Variants in MCM4 observed in about 807,000 individuals in gnomAD.
MCM4 encodes the protein DNA replication licensing factor MCM4.
In MCM4, 60 loss-of-function variants were observed where a neutral mutation model predicts 88.7. That is an observed-to-expected ratio of 0.68 (90% CI 0.55 to 0.84). The LOEUF is 0.84. Among genes scored for constraint, MCM4 ranks in the 40% least tolerant of loss-of-function variants. The pLI is 0.00. For synonymous variants in MCM4, 465 were observed against 410.5 expected (o/e 1.13, Z -1.61); for missense variants, 1,149 against 1,105.5 (o/e 1.04, Z -0.56).
At chr8:47,971,214 C>CA in intron 12 of MCM4, 127 bp from the exon 13 acceptor site, 1 of 1,111,400 alleles carries the variant, frequency 9.0e-7, no homozygotes, top group Non-Finnish European at 1.3e-6. Context: ...TCAGTAAAGG[C>CA]AACATGGCTC....
intron 11 of MCM4, among the ~76,000 whole-genome samples, 159 bp from the exon 12 acceptor site, chr8:47,970,352 A>C (rs927717668): frequency 5.9e-5 from 9 of 152,232 alleles, no homozygotes; most frequent in Admixed American, 2.6e-4. Flanking sequence ...GTCAGTGATA[A>C]CTTAAAGCAT....
rs1200738427 is a variant in MCM4 at position 47,970,685 on chromosome 8, GGC to G, written c.1610_1611del (p.Gly537ValfsTer15). On this transcript the variant is annotated frameshift_variant, in exon 12 of 17. Transcript: ENST00000649973. LOFTEE classifies it high-confidence loss of function. ...VPRGQYTSGK[G>X]SSAVGLTAYV... is the part of the protein sequence containing the mutation. ...CAGGGGCCAGTACACGTCTGGGAAGGGCTCCAGTGCAGTTGGCCTCACTGCGT... is the reference window on the plus strand; with the variant it reads ...CAGGGGCCAGTACACGTCTGGGAAGGTCCAGTGCAGTTGGCCTCACTGCGT... 17 of 1,614,058 alleles carry G rather than the reference GGC, an allele frequency of 1.1e-5. No homozygotes were observed. The highest frequency in any genetic ancestry group is 1.4e-5 in the Non-Finnish European group (16 of 1,180,044).
chr8:47,964,881 C>T (rs1384493213), intron 8 of MCM4, among the ~76,000 whole-genome samples, 169 bp downstream of exon 8: 2 of 152,076 alleles, frequency 1.3e-5, no homozygotes, highest in Non-Finnish European at 2.9e-5. Flanking sequence ...CTTATGAACC[C>T]CCTATACTTT....
In MCM4 at chr8:47,970,805, G is replaced by A. The variant is rs768729997; in HGVS notation, c.1729G>A (p.Asp577Asn). ...DNGICCIDEFDKMNESTRSVL... is the reference protein window; with the variant it reads ...DNGICCIDEFNKMNESTRSVL... Reference sequence around the variant, plus strand: ...CGGCATCTGCTGTATCGATGAGTTCGACAAGATGAATGAAAGTACAAGATC... The same window carrying A: ...CGGCATCTGCTGTATCGATGAGTTCAACAAGATGAATGAAAGTACAAGATC... Residue 577 changes from aspartate (D) to asparagine (N), a missense_variant, in exon 12 of 17, where the codon GAC becomes AAC. Transcript: ENST00000649973. 1.9e-6 allele frequency: 3 copies of A among 1,613,616 alleles called. No homozygotes were observed. Among genetic ancestry groups the A allele is most frequent in the African/African-American group, 1.3e-5 (1 of 74,902 alleles).
rs763787357 is a variant in MCM4, at chr8:47,975,785, G to A, written c.2436G>A (p.Lys812=). 3 of 1,587,086 alleles carry A rather than the reference G, an allele frequency of 1.9e-6. No homozygotes were observed. The South Asian group carries it at 3.6e-5, about 19-fold the overall frequency. ...AEALKKLILS[K]GKTPALKYQQ... ...CATTGAAAAAGCTTATTTTATCTAA[G>A]GGCAAAACACCAGCTCTAAAATACC... The change falls in exon 16 of 17, where the codon AAG becomes AAA. Residue 812 remains lysine, a synonymous_variant. Coordinates refer to ENST00000649973, the MANE Select transcript of MCM4 (RefSeq NM_182746.3).
Position 47,966,168 on chromosome 8 carries a change from C to T in MCM4, c.833-19C>T, listed in dbSNP as rs767599479. 115 of 1,606,910 alleles carry T rather than the reference C, an allele frequency of 7.2e-5. No homozygotes were observed. Among genetic ancestry groups the T allele is most frequent in the Non-Finnish European group, 9.5e-5 (112 of 1,174,138 alleles). ...CACACCTCAGGTCAGGTGTGCTGAC[C>T]TCTCTTCTCCCCTCACAGACATTGA... On this transcript the variant is annotated intron_variant, in intron 8 of 16. Coordinates refer to ENST00000649973, the MANE Select transcript of MCM4 (RefSeq NM_182746.3).
chr8:47,974,771 GA>G lies in MCM4; in HGVS notation c.2176del (p.Met726TrpfsTer9). 1 of 1,614,216 alleles carries G rather than the reference GA, an allele frequency of 6.2e-7. No individual in the cohort carries two copies. The highest frequency in any genetic ancestry group is 8.5e-7 in the Non-Finnish European group (1 of 1,180,038). On this transcript the variant is annotated frameshift_variant, in exon 15 of 17. Transcript: ENST00000649973. LOFTEE classifies it high-confidence loss of function. ...ATGAGGAAGATTGGCAGTAGCCGGG[GA>G]ATGGTTTCTGCATACCCTCGACAGC... ...VDMRKIGSSR[G>X]MVSAYPRQLE... is the part of the protein sequence containing the mutation.
rs140307429 is a variant in MCM4 at position 47,962,803 on chromosome 8, G to A, written c.541G>A (p.Glu181Lys). 1.0e-4 allele frequency: 167 copies of A among 1,609,592 alleles called. No individual in the cohort carries two copies. Among genetic ancestry groups the A allele is most frequent in the South Asian group, 1.3e-4 (12 of 89,472 alleles). The change falls in exon 6 of 17, where the codon GAA becomes AAA. Residue 181 changes from glutamate to lysine, a missense_variant. Physicochemically the swap from Glu to Lys is moderately conservative, Grantham distance 56. This residue lies in a region of MCM4 where 906 missense variants were observed against 843.0 expected (regional missense o/e 1.07). Coordinates refer to ENST00000649973, the MANE Select transcript of MCM4 (RefSeq NM_182746.3). Reference protein sequence around the residue: ...QRFIDPLAKEEENVGIDITEP... With the variant: ...QRFIDPLAKEKENVGIDITEP... The stretch of plus-strand genomic sequence containing the variant: ...TTTTATTGACCCTCTGGCTAAAGAA[G>A]AAGAAAATGTTGGCATAGATATTAC...
In MCM4 at chr8:47,961,602, A is replaced by G. The variant is rs200598421; in HGVS notation, c.157A>G (p.Thr53Ala). The change falls in exon 3 of 17, where the codon ACC becomes GCC. Residue 53 changes from threonine to alanine, a missense_variant. This residue lies in a region of MCM4 where 906 missense variants were observed against 843.0 expected (regional missense o/e 1.07). Transcript: ENST00000649973. The stretch of plus-strand genomic sequence containing the variant: ...CACGGGGGAGTTGCAGCCGATGCCA[A>G]CCTCGCCTGGAGTGGACCTGCAGAG... ...TSTGELQPMP[T>A]SPGVDLQSPA... 1.4e-4 allele frequency: 230 copies of G among 1,614,098 alleles called. 1 individual carries two copies. The highest frequency in any genetic ancestry group is 2.8e-4 in the African/African-American group (21 of 75,000).
At chr8:47,973,159 C>G (rs542640681) in intron 14 of MCM4, 95 bp downstream of exon 14, 20 of 1,107,534 alleles carry the variant, frequency 1.8e-5, no homozygotes, top group Non-Finnish European at 2.2e-5. Context: ...TATTTTGTTA[C>G]GAATAACATA....
Position 47,966,177 on chromosome 8 carries a change from C to T in MCM4, c.833-10C>T, listed in dbSNP as rs1184683500. The T allele has an allele frequency of 1.2e-6, 2 of 1,611,162 alleles. No individual in the cohort carries two copies. Among genetic ancestry groups the T allele is most frequent in the Non-Finnish European group, 1.7e-6 (2 of 1,177,666 alleles). On this transcript the variant is annotated splice_polypyrimidine_tract_variant and intron_variant, in intron 8 of 16. Coordinates refer to ENST00000649973, the MANE Select transcript of MCM4 (RefSeq NM_182746.3). Reference sequence around the variant, plus strand: ...GGTCAGGTGTGCTGACCTCTCTTCTCCCCTCACAGACATTGACCAGCTCAT... The same window carrying T: ...GGTCAGGTGTGCTGACCTCTCTTCTTCCCTCACAGACATTGACCAGCTCAT...
chr8:47,964,318 A>T (rs1337038591), intron 7 of MCM4, among the ~76,000 whole-genome samples: 1 of 152,246 alleles, frequency 6.6e-6, no homozygotes, highest in African/African-American at 2.4e-5. Flanking sequence ...TTCCCTTCTA[A>T]TAGAAAGCAA....
Position 47,970,781 on chromosome 8 carries a change from G to A in MCM4, c.1705G>A (p.Gly569Ser), listed in dbSNP as rs752413343. Reference sequence around the variant, plus strand: ...AGGTGCTCTTGTCCTGAGTGACAACGGCATCTGCTGTATCGATGAGTTCGA... The same window carrying A: ...AGGTGCTCTTGTCCTGAGTGACAACAGCATCTGCTGTATCGATGAGTTCGA... ...QTGALVLSDNGICCIDEFDKM... is the reference protein window; with the variant it reads ...QTGALVLSDNSICCIDEFDKM... The change falls in exon 12 of 17, where the codon GGC becomes AGC. Residue 569 changes from glycine (G) to serine (S), a missense_variant. By Grantham distance (56) the Gly-to-Ser change is moderately conservative (BLOSUM62 0). Transcript: ENST00000649973. The A allele has an allele frequency of 3.7e-6, 6 of 1,614,160 alleles. No homozygotes were observed. The highest frequency in any genetic ancestry group is 1.7e-5 in the Admixed American group (1 of 60,018).
In MCM4 at chr8:47,961,258, C is replaced by T. The variant is rs765229112; in HGVS notation, c.70+44C>T. On this transcript the variant is annotated intron_variant, in intron 2 of 16. Coordinates refer to ENST00000649973, the MANE Select transcript of MCM4 (RefSeq NM_182746.3). ...GCCCACTACAGCCCCCGGCGCCGCCCCGTCTGCCCTCTCGCCGCAGCTGGC... is the reference window on the plus strand; with the variant it reads ...GCCCACTACAGCCCCCGGCGCCGCCTCGTCTGCCCTCTCGCCGCAGCTGGC... 6 of 1,439,662 alleles carry T rather than the reference C, an allele frequency of 4.2e-6. No homozygotes were observed. In the South Asian group the frequency reaches 4.2e-5, roughly 10 times the overall value. 89.2% of individuals were successfully genotyped at this position (1,439,662 alleles called of 1,614,324 possible).
Position 47,961,135 on chromosome 8 carries a change from TC to T in MCM4, c.-8del. ...GAGCTTGTCCTTGTCGCGCAGGTACTCCGAGCACTATGTCGTCCCCGGCGTC... is the reference window on the plus strand; with the variant it reads ...GAGCTTGTCCTTGTCGCGCAGGTACTCGAGCACTATGTCGTCCCCGGCGTC... On this transcript the variant is annotated 5_prime_UTR_variant, in exon 2 of 17. Coordinates refer to ENST00000649973, the MANE Select transcript of MCM4 (RefSeq NM_182746.3). The T allele has an allele frequency of 6.4e-7, 1 of 1,552,756 alleles. No homozygotes were observed. The highest frequency in any genetic ancestry group is 1.4e-5 in the African/African-American group (1 of 70,522).
chr8:47,972,235 C>CA (rs779237498), intron 13 of MCM4, among the ~76,000 whole-genome samples: 1,521 of 60,732 alleles, frequency 0.025, 26 homozygotes, highest in East Asian at 0.068. Flanking sequence ...GACTCTGTCT[C>CA]AAAAAAAAAA....
At chr8:47,963,908 A>G (rs2090872283) in intron 7 of MCM4, among the ~76,000 whole-genome samples, 1 of 152,222 alleles carries the variant, frequency 6.6e-6, no homozygotes, top group Admixed American at 6.5e-5. Flanking sequence ...ATGTTAAGAA[A>G]TTTGAATAAA....
chr8:47,968,366 A>G (rs1369923653), intron 10 of MCM4, among the ~76,000 whole-genome samples: 1 of 152,220 alleles, frequency 6.6e-6, no homozygotes, highest in Non-Finnish European at 1.5e-5. Flanking sequence ...ACTTGAAGTC[A>G]TGGAGAATTT....
In MCM4 at chr8:47,970,146, G is replaced by T. The variant is rs17334444; in HGVS notation, c.1434+89G>T. On this transcript the variant is annotated intron_variant, in intron 11 of 16. Coordinates refer to ENST00000649973, the MANE Select transcript of MCM4 (RefSeq NM_182746.3). ...ATCCACTCCGCCACTCGAGCCATCCGCCATAAAGGACAGAGTTGTGGCCTG... is the reference window on the plus strand; with the variant it reads ...ATCCACTCCGCCACTCGAGCCATCCTCCATAAAGGACAGAGTTGTGGCCTG... 7 of 1,445,066 alleles carry T rather than the reference G, an allele frequency of 4.8e-6. No homozygotes were observed. In the African/African-American group the frequency reaches 5.7e-5, roughly 12 times the overall value. 89.5% of individuals were successfully genotyped at this position (1,445,066 alleles called of 1,614,324 possible).
Sources: gnomAD v4.1 joint callset for allele counts (sites outside exome capture counted in the v4.1 genomes callset) on GRCh38, gnomAD v4.1.1 for gene constraint, gnomAD v4.1.1 regional missense constraint, MANE v1.5 for transcripts, NCBI Gene and HGNC (gene_info 2026-07-23, HGNC 2026-07-21) for gene names.